Variants in GFM1 observed in about 807,000 individuals in gnomAD.
GFM1 encodes the protein G elongation factor mitochondrial 1.
Under a neutral mutation model 96.2 loss-of-function variants are expected in GFM1, and 62 were observed. The observed-to-expected ratio is 0.64, with a 90% CI of 0.53 to 0.80. GFM1 has a LOEUF of 0.80. Among genes scored for constraint, GFM1 ranks in the 30% least tolerant of loss-of-function variants. GFM1 has a pLI of 0.00. For synonymous variants in GFM1, 282 were observed against 312.9 expected (o/e 0.90, Z 1.04); for missense variants, 852 against 916.6 (o/e 0.93, Z 0.91).
At chr3:158,647,834 G>A (rs555148832) in intron 4 of GFM1, among the ~76,000 whole-genome samples, 2 of 152,136 alleles carry the variant, frequency 1.3e-5, no homozygotes, top group Admixed American at 1.3e-4. Flanking sequence ...TGATTACTTT[G>A]GTTCATTCTT....
chr3:158,690,390 T>C, intron 16 of GFM1, 67 bp downstream of exon 16: 2 of 1,498,992 alleles, frequency 1.3e-6, no homozygotes, highest in Admixed American at 3.3e-5. Context: ...GGTTAGCTTT[T>C]GTTTTTGCAA....
At chr3:158,667,008 T>C in intron 13 of GFM1, 1 of 1,596,782 alleles carries the variant, frequency 6.3e-7, no homozygotes, top group Non-Finnish European at 8.5e-7. Flanking sequence ...AAATTATACT[T>C]TACCTGAGAT....
intron 15 of GFM1, among the ~76,000 whole-genome samples, chr3:158,688,035 A>G (rs191237143): frequency 5.0e-4 from 76 of 152,196 alleles, no homozygotes; most frequent in Admixed American, 4.0e-3. Context: ...AAGATATTAT[A>G]GTTATTATAA....
intron 8 of GFM1, among the ~76,000 whole-genome samples, chr3:158,658,535 A>G (rs981892392): frequency 6.6e-6 from 1 of 152,192 alleles, no homozygotes; most frequent in East Asian, 1.9e-4. Flanking sequence ...GCACACACCT[A>G]CTGTTTCTAA....
rs1722969572 is a variant in GFM1, at chr3:158,658,843, A to T, written c.1084-79A>T. The T allele has an allele frequency of 8.2e-6, 12 of 1,459,766 alleles. No individual in the cohort carries two copies. In the Admixed American group the frequency reaches 1.2e-4, roughly 14 times the overall value. The allele number at this position is 1,459,766 out of a possible 1,614,324, so 90.4% of individuals were successfully genotyped here. On this transcript the variant is annotated intron_variant, in intron 8 of 17. Transcript: ENST00000486715. ...AAATTGGTAGAGAATACTTGGAGGG[A>T]GTTATGAAGCTTTCCTCAATACTTT...
chr3:158,661,063 A>G, intron 10 of GFM1, 88 bp downstream of exon 10: 1 of 1,053,928 alleles, frequency 9.5e-7, no homozygotes, highest in Non-Finnish European at 1.5e-6. Flanking sequence ...CAGAAAAACA[A>G]CCACAGAAGT....
At chr3:158,658,104 T>G (rs537872573) in intron 8 of GFM1, among the ~76,000 whole-genome samples, 1 of 151,696 alleles carries the variant, frequency 6.6e-6, no homozygotes, top group South Asian at 2.1e-4. Flanking sequence ...CTGGGAACTG[T>G]TAAATATATG....
At position 158,691,488 on chromosome 3, in the gene GFM1, C is replaced by T; in HGVS notation, c.*21C>T. 1 of 1,612,370 alleles carries T rather than the reference C, an allele frequency of 6.2e-7. No individual in the cohort carries two copies. Among genetic ancestry groups the T allele is most frequent in the Non-Finnish European group, 8.5e-7 (1 of 1,179,096 alleles). ...ACTAACTTTGCTTACTGTGAGTTGA[C>T]TGACTCTAATTGAATCTGCGTGGTT... is the stretch of plus-strand genomic sequence containing the variant. On this transcript the variant is annotated 3_prime_UTR_variant, in exon 18 of 18. Coordinates refer to ENST00000486715, the MANE Select transcript of GFM1 (RefSeq NM_024996.7).
At chr3:158,645,827 A>T (rs1560127285) in intron 2 of GFM1, 46 bp downstream of exon 2, 2 of 1,490,446 alleles carry the variant, frequency 1.3e-6, no homozygotes, top group South Asian at 2.3e-5. Context: ...CCAGATTTTA[A>T]TTGTTTTGTT....
At chr3:158,645,206 C>T (rs1721668893) in intron 1 of GFM1, among the ~76,000 whole-genome samples, 2 of 151,932 alleles carry the variant, frequency 1.3e-5, no homozygotes, top group Non-Finnish European at 2.9e-5. Flanking sequence ...CTGCATAGAG[C>T]ATATAAGTTC....
chr3:158,646,501 G>C (rs1721813749), intron 3 of GFM1, among the ~76,000 whole-genome samples: 1 of 152,130 alleles, frequency 6.6e-6, no homozygotes, highest in Admixed American at 6.5e-5. Context: ...ATTGTGAGTA[G>C]GCAGATTCTT....
intron 13 of GFM1, chr3:158,666,627 CCAGTGTTAGGGT>C (rs753540590): frequency 3.8e-6 from 6 of 1,594,002 alleles, no homozygotes; most frequent in Non-Finnish European, 5.2e-6. Context: ...GTTTACACTT[CCAGTGTTAGGGT>C]TTTTGTTTAT....
At chr3:158,691,109 T>C in intron 16 of GFM1, 30 bp from the exon 17 acceptor site, 1 of 1,499,470 alleles carries the variant, frequency 6.7e-7, no homozygotes, top group Non-Finnish European at 9.3e-7. Context: ...CAATAAGCAG[T>C]GCTAAAATAT....
intron 7 of GFM1, among the ~76,000 whole-genome samples, chr3:158,653,839 G>A (rs1451730775): frequency 6.6e-6 from 1 of 152,094 alleles, no homozygotes; most frequent in Admixed American, 6.5e-5. Flanking sequence ...GGGAGGCCAA[G>A]GCGGGCGGAT....
At chr3:158,661,934 GT>G (rs1247306532) in intron 10 of GFM1, among the ~76,000 whole-genome samples, 2 of 152,084 alleles carry the variant, frequency 1.3e-5, no homozygotes, top group African/African-American at 4.8e-5. Flanking sequence ...TACAATTTTT[GT>G]TTGAGATCTA....
chr3:158,682,537 G>A (rs1245712019), intron 14 of GFM1: 4 of 223,190 alleles, frequency 1.8e-5, no homozygotes, highest in African/African-American at 9.3e-5. Context: ...ACTGTCTCAT[G>A]TCTACTACTG....
intron 13 of GFM1, chr3:158,666,970 A>C: frequency 6.4e-7 from 1 of 1,571,866 alleles, no homozygotes; most frequent in Non-Finnish European, 8.6e-7. Flanking sequence ...AAGGAGTCTC[A>C]GTTTTCAGAA....
intron 9 of GFM1, among the ~76,000 whole-genome samples, chr3:158,659,876 G>A (rs1409605583): frequency 1.3e-5 from 2 of 152,196 alleles, no homozygotes; most frequent in African/African-American, 4.8e-5. Flanking sequence ...TAGGCAGCAG[G>A]GGGCAGGCTA....
In GFM1 at chr3:158,654,636, G is replaced by T; in HGVS notation, c.1083+5G>T. ...GGCCTGGCTTTTAAACTGGAGGTAA[G>T]TTGCTTTCTAATGTATTTAACTGCT... On this transcript the variant is annotated splice_donor_5th_base_variant and intron_variant, in intron 8 of 17. Transcript: ENST00000486715. The T allele has an allele frequency of 6.3e-7, 1 of 1,586,816 alleles. No individual in the cohort carries two copies. Among genetic ancestry groups the T allele is most frequent in the African/African-American group, 1.3e-5 (1 of 74,438 alleles).
Sources: allele counts gnomAD v4.1 joint callset (sites outside exome capture counted in the v4.1 genomes callset), GRCh38; gene constraint gnomAD v4.1.1; transcripts MANE v1.5; gene names NCBI Gene and HGNC (gene_info 2026-07-23, HGNC 2026-07-21).